The following PARD3B variants were observed in gnomAD, a reference collection of about 807,000 sequenced individuals.
PARD3B encodes partitioning defective 3 homolog B.
PARD3B carries 103 observed loss-of-function variants against 130.2 expected under a neutral mutation model. The observed-to-expected ratio is 0.79, with a 90% CI of 0.67 to 0.93. The LOEUF is 0.93. PARD3B is among the 40% of genes least tolerant of loss of function. The pLI is 0.00. For synonymous variants in PARD3B, 583 were observed against 553.2 expected (o/e 1.05, Z -0.76); for missense variants, 1,609 against 1,499.2 (o/e 1.07, Z -1.21).
chr2:205,541,312 C>CT (rs2052118124), intron 21 of PARD3B, among the ~76,000 whole-genome samples: 1 of 148,272 alleles, frequency 6.7e-6, no homozygotes, highest in South Asian at 2.2e-4. Context: ...AGGCTCCCTT[C>CT]TCTGTTTGAG....
Position 205,244,206 on chromosome 2 carries a change from A to G in PARD3B, c.2141-1572A>G, listed in dbSNP as rs1272680401. On this transcript the variant is annotated intron_variant, in intron 15 of 22. Coordinates refer to ENST00000406610, the MANE Select transcript of PARD3B (RefSeq NM_001302769.2). This position sits in a 1 kb window ranked among gnomAD's most constrained non-coding sequence, Gnocchi z 4.7. ...AAGATTATGTATAGTAACTGGGTCA[A>G]TTAAGACTGAATGTTGTGGGCAGAG... is the stretch of plus-strand genomic sequence containing the variant. Among the ~76,000 whole-genome samples, 1 of 152,210 alleles carries G rather than the reference A, an allele frequency of 6.6e-6. No individual in the cohort carries two copies. Among genetic ancestry groups the G allele is most frequent in the Non-Finnish European group, 1.5e-5 (1 of 68,030 alleles).
intron 16 of PARD3B, among the ~76,000 whole-genome samples, chr2:205,295,448 AAATT>A (rs776771787): frequency 2.6e-5 from 4 of 152,212 alleles, no homozygotes; most frequent in Non-Finnish European, 5.9e-5. Flanking sequence ...GAAGGATTGT[AAATT>A]AATTAATTTT....
intron 18 of PARD3B, among the ~76,000 whole-genome samples, chr2:205,382,233 C>A (rs1048111092): frequency 6.6e-6 from 1 of 152,068 alleles, no homozygotes; most frequent in East Asian, 1.9e-4. Context: ...CAGTTCTTCC[C>A]TTTTTCCTTA....
chr2:205,050,566 C>T (rs1559388768), intron 4 of PARD3B, among the ~76,000 whole-genome samples: 1 of 152,034 alleles, frequency 6.6e-6, no homozygotes, highest in Admixed American at 6.6e-5. Flanking sequence ...TTAATATACA[C>T]ACTGGATTTC....
intron 15 of PARD3B, among the ~76,000 whole-genome samples, chr2:205,215,401 T>A (rs1054191948): frequency 3.9e-5 from 6 of 152,018 alleles, no homozygotes; most frequent in Admixed American, 1.3e-4. Flanking sequence ...ATGTTCTTTG[T>A]CATTCAAGAG....
At chr2:205,218,441 A>T (rs2038065363) in intron 15 of PARD3B, among the ~76,000 whole-genome samples, 1 of 152,202 alleles carries the variant, frequency 6.6e-6, no homozygotes, top group Admixed American at 6.5e-5. Context: ...TAATTATTAC[A>T]CTTAGAATTT....
chr2:204,935,641 C>T (rs954106713), intron 2 of PARD3B, among the ~76,000 whole-genome samples: 10 of 151,860 alleles, frequency 6.6e-5, no homozygotes, highest in Admixed American at 2.0e-4. Flanking sequence ...TTTTATCCTT[C>T]TGTTCTTTTA....
chr2:205,082,607 A>AT (rs1701487114), intron 4 of PARD3B, among the ~76,000 whole-genome samples: 1 of 151,566 alleles, frequency 6.6e-6, no homozygotes, highest in South Asian at 2.1e-4. Flanking sequence ...GTGTTTGTTA[A>AT]TTTTTTTCAT....
chr2:204,934,437 G>A (rs1688257229), intron 2 of PARD3B, among the ~76,000 whole-genome samples: 1 of 152,294 alleles, frequency 6.6e-6, no homozygotes, highest in South Asian at 2.1e-4. Flanking sequence ...CAATGCAAAT[G>A]CATAGAAGTC....
At chr2:205,153,170 C>T (rs918452545) in intron 10 of PARD3B, among the ~76,000 whole-genome samples, 2 of 152,136 alleles carry the variant, frequency 1.3e-5, no homozygotes, top group Admixed American at 6.5e-5. Context: ...GAGGGGCACC[C>T]GGCTGTATGA....
At position 205,352,034 on chromosome 2, in the gene PARD3B, A is replaced by G. The variant is rs774117370; in HGVS notation, c.2631-48979A>G. Among the ~76,000 whole-genome samples the G allele has an allele frequency of 3.3e-5, 5 of 152,192 alleles. No homozygotes were observed. Among genetic ancestry groups the G allele is most frequent in the Non-Finnish European group, 5.9e-5 (4 of 68,038 alleles). On this transcript the variant is annotated intron_variant, in intron 18 of 22. Coordinates refer to ENST00000406610, the MANE Select transcript of PARD3B (RefSeq NM_001302769.2). The surrounding 1 kb of genome is among the most constrained non-coding windows in gnomAD (Gnocchi z 5.2). ...TATAAGGCTGAAATAGATGTGGAGTATTTTAAGATGAATAGTCTTACATCC... is the reference window on the plus strand; with the variant it reads ...TATAAGGCTGAAATAGATGTGGAGTGTTTTAAGATGAATAGTCTTACATCC...
chr2:204,912,745 G>C (rs1380973983), intron 2 of PARD3B, among the ~76,000 whole-genome samples: 3 of 152,110 alleles, frequency 2.0e-5, no homozygotes, highest in Admixed American at 2.0e-4. Flanking sequence ...AAAAACATAA[G>C]ACTGTATAAA....
intron 2 of PARD3B, among the ~76,000 whole-genome samples, chr2:204,905,409 T>C (rs890113793): frequency 6.6e-6 from 1 of 152,198 alleles, no homozygotes; most frequent in African/African-American, 2.4e-5. Context: ...GTGCTGTCTC[T>C]CATTTTTCTT....
chr2:205,140,959 A>G (rs1433606974), intron 10 of PARD3B, among the ~76,000 whole-genome samples: 2 of 152,154 alleles, frequency 1.3e-5, no homozygotes, highest in East Asian at 1.9e-4. Flanking sequence ...TAAATCATAC[A>G]TGTTTGTTTA....
At chr2:204,939,106 T>A (rs1688692294) in intron 2 of PARD3B, among the ~76,000 whole-genome samples, 1 of 152,108 alleles carries the variant, frequency 6.6e-6, no homozygotes, top group African/African-American at 2.4e-5. Context: ...TGTCAGTTAC[T>A]TGTGAAATCA....
rs554223514 is a variant in PARD3B at position 205,115,072 on chromosome 2, T to G, written c.680+1495T>G. Among the ~76,000 whole-genome samples the G allele has an allele frequency of 1.7e-3, 255 of 152,254 alleles. 1 individual carries two copies. Among genetic ancestry groups the G allele is most frequent in the Admixed American group, 1.6e-3 (25 of 15,266 alleles). On this transcript the variant is annotated intron_variant, in intron 6 of 22. Coordinates refer to ENST00000406610, the MANE Select transcript of PARD3B (RefSeq NM_001302769.2). Reference sequence around the variant, plus strand: ...AATGAAGGTGGGATAGAGCACAAGATCTTCCCAATTTCCAAAAATGAGAAA... The same window carrying G: ...AATGAAGGTGGGATAGAGCACAAGAGCTTCCCAATTTCCAAAAATGAGAAA...
At position 204,549,063 on chromosome 2, in the gene PARD3B, T is replaced by G. The variant is rs1559149467; in HGVS notation, c.120+2944T>G. Among the ~76,000 whole-genome samples the G allele has an allele frequency of 2.6e-5, 4 of 152,320 alleles. No individual in the cohort carries two copies. The South Asian group carries it at 6.2e-4, about 24-fold the overall frequency. On this transcript the variant is annotated intron_variant, in intron 1 of 22. Transcript: ENST00000406610. ...CAGCGTCTGAGAAGTAACCACTACC[T>G]GTTGAGAACAAAGAAAACCTATTTG...
At chr2:204,884,412 A>C (rs2125676833) in intron 2 of PARD3B, among the ~76,000 whole-genome samples, 1 of 152,328 alleles carries the variant, frequency 6.6e-6, no homozygotes, top group African/African-American at 2.4e-5. Flanking sequence ...TGAAATGTAA[A>C]TGGAATAGAA....
chr2:204,837,073 C>T (rs1404567348), intron 2 of PARD3B, among the ~76,000 whole-genome samples: 2 of 152,068 alleles, frequency 1.3e-5, no homozygotes, highest in African/African-American at 4.8e-5. Flanking sequence ...TAACATGAGG[C>T]GTTTAATTAA....
Sources: allele counts gnomAD v4.1 joint callset (sites outside exome capture counted in the v4.1 genomes callset), GRCh38; gene constraint gnomAD v4.1.1; non-coding constraint Gnocchi (gnomAD v3.1); transcripts MANE v1.5; gene names NCBI Gene and HGNC (gene_info 2026-07-23, HGNC 2026-07-21).